The following AGPAT4 variants were observed in gnomAD, a reference collection of about 807,000 sequenced individuals.
AGPAT4 encodes 1-acyl-sn-glycerol-3-phosphate acyltransferase delta.
A neutral mutation model predicts 48.0 loss-of-function variants in AGPAT4; 15 were observed. The ratio of observed to expected loss-of-function variants is 0.31; its 90% confidence interval spans 0.21 to 0.48. The LOEUF (loss-of-function observed/expected upper bound fraction) is 0.48, where lower values mean the gene tolerates loss of function less well. Among genes scored for constraint, AGPAT4 ranks in the 20% least tolerant of loss-of-function variants. AGPAT4 has a pLI of 0.99. For missense variants in AGPAT4, 314 were observed against 482.5 expected (o/e 0.65, Z 3.27); for synonymous variants, 178 against 198.7 (o/e 0.90, Z 0.88).
Position 161,208,655 on chromosome 6 carries a change from G to A in AGPAT4, c.178+23381C>T, listed in dbSNP as rs1781444396. The stretch of plus-strand genomic sequence containing the variant: ...TATCATTCATCACTTAGATCTTCAA[G>A]ATTCACAGCAACAGAAAAACAATTC... On this transcript the variant is annotated intron_variant, in intron 2 of 8. Coordinates refer to ENST00000320285, the MANE Select transcript of AGPAT4 (RefSeq NM_020133.3). The surrounding 1 kb of genome is among the most constrained non-coding windows in gnomAD (Gnocchi z 4.6). 6.6e-6 allele frequency among the ~76,000 whole-genome samples: 1 copy of A among 152,162 alleles called. No homozygotes were observed. Among genetic ancestry groups the A allele is most frequent in the South Asian group, 2.1e-4 (1 of 4,828 alleles).
Position 161,138,847 on chromosome 6 carries a change from C to A in AGPAT4, c.1042+575G>T, listed in dbSNP as rs765478502. Among the ~76,000 whole-genome samples the A allele has an allele frequency of 6.6e-6, 1 of 152,124 alleles. No homozygotes were observed. The highest frequency in any genetic ancestry group is 2.4e-5 in the African/African-American group (1 of 41,428). ...AGGAAGCAGGCACGACAGGCTGCCC[C>A]GCCAGAGGCAAGGAGCAGGGTGCAC... On this transcript the variant is annotated intron_variant, in intron 8 of 8. Coordinates refer to ENST00000320285, the MANE Select transcript of AGPAT4 (RefSeq NM_020133.3). The surrounding 1 kb of genome is among the most constrained non-coding windows in gnomAD (Gnocchi z 4.8).
intron 2 of AGPAT4, among the ~76,000 whole-genome samples, chr6:161,194,429 AGTGTGTGTGTGTGTTT>A (rs1781004769): frequency 7.1e-6 from 1 of 140,620 alleles, no homozygotes; most frequent in Non-Finnish European, 1.5e-5. Flanking sequence ...TTTCCAGAGT[AGTGTGTGTGTGTGTTT>A]GTGTGTGTGT....
chr6:161,167,728 T>C (rs939637368), intron 2 of AGPAT4, among the ~76,000 whole-genome samples: 2 of 152,192 alleles, frequency 1.3e-5, no homozygotes. Flanking sequence ...ACCAGAGCCC[T>C]CTAGAAGGCA....
chr6:161,251,696 G>A lies in AGPAT4; in HGVS notation c.-89-19394C>T, dbSNP rs543909520. The stretch of plus-strand genomic sequence containing the variant: ...CCCAGGTGGGAATGAGGGGAGCCAG[G>A]TGGATGCCAAGCCCACTTCCCGGGC... On this transcript the variant is annotated intron_variant, in intron 1 of 8. Transcript: ENST00000320285. This position sits in a 1 kb window ranked among gnomAD's most constrained non-coding sequence, Gnocchi z 4.6. 2.0e-5 allele frequency among the ~76,000 whole-genome samples: 3 copies of A among 152,334 alleles called. No homozygotes were observed. The highest frequency in any genetic ancestry group is 7.2e-5 in the African/African-American group (3 of 41,582).
In AGPAT4 at chr6:161,272,258, G is replaced by A. The variant is rs533832975; in HGVS notation, c.-90+1680C>T. Among the ~76,000 whole-genome samples, 1 of 152,354 alleles carries A rather than the reference G, an allele frequency of 6.6e-6. No homozygotes were observed. The highest frequency in any genetic ancestry group is 1.9e-4 in the East Asian group (1 of 5,190). Reference sequence around the variant, plus strand: ...CCATTCTTCCTGCTTCCACATGGCAGGGTTGCTCAAGGTTTATAAGTAATG... The same window carrying A: ...CCATTCTTCCTGCTTCCACATGGCAAGGTTGCTCAAGGTTTATAAGTAATG... On this transcript the variant is annotated intron_variant, in intron 1 of 8. Coordinates refer to ENST00000320285, the MANE Select transcript of AGPAT4 (RefSeq NM_020133.3). The surrounding 1 kb of genome is among the most constrained non-coding windows in gnomAD (Gnocchi z 4.2).
chr6:161,166,433 A>G lies in AGPAT4; in HGVS notation c.179-16T>C, dbSNP rs751673266. The stretch of plus-strand genomic sequence containing the variant: ...ATCACCAGCTCTGGAACAAACCACA[A>G]CAGACAGATGTTTACTACATGCAGC... On this transcript the variant is annotated splice_polypyrimidine_tract_variant and intron_variant, in intron 2 of 8. Coordinates refer to ENST00000320285, the MANE Select transcript of AGPAT4 (RefSeq NM_020133.3). The surrounding 1 kb of genome is among the most constrained non-coding windows in gnomAD (Gnocchi z 6.7). 1 of 1,589,096 alleles carries G rather than the reference A, an allele frequency of 6.3e-7. No homozygotes were observed. Among genetic ancestry groups the G allele is most frequent in the South Asian group, 1.2e-5 (1 of 86,078 alleles).
intron 3 of AGPAT4, among the ~76,000 whole-genome samples, chr6:161,162,821 C>G (rs1024364618): frequency 6.6e-6 from 1 of 152,238 alleles, no homozygotes; most frequent in African/African-American, 2.4e-5. Flanking sequence ...CGATCATGCT[C>G]TTATGCAACC....
chr6:161,250,014 AT>A (rs1230608203), intron 1 of AGPAT4, among the ~76,000 whole-genome samples: 1 of 152,244 alleles, frequency 6.6e-6, no homozygotes, highest in Non-Finnish European at 1.5e-5. Context: ...TTATGCAACT[AT>A]AAAAAATGAG....
rs1360189411 is a variant in AGPAT4 at position 161,186,005 on chromosome 6, T to C, written c.179-19588A>G. On this transcript the variant is annotated intron_variant, in intron 2 of 8. Coordinates refer to ENST00000320285, the MANE Select transcript of AGPAT4 (RefSeq NM_020133.3). ...AAAGTAGTCCCTTTTCTGCCCCTCC[T>C]TTGCTTACTGCATGGAGTAGTGAGA... Among the ~76,000 whole-genome samples the C allele has an allele frequency of 2.0e-5, 3 of 152,018 alleles. No homozygotes were observed. The East Asian group carries it at 5.8e-4, about 29-fold the overall frequency.
In AGPAT4 at chr6:161,266,206, A is replaced by G. The variant is rs1409829433; in HGVS notation, c.-90+7732T>C. Among the ~76,000 whole-genome samples the G allele has an allele frequency of 6.6e-6, 1 of 152,108 alleles. No homozygotes were observed. The highest frequency in any genetic ancestry group is 1.5e-5 in the Non-Finnish European group (1 of 68,006). ...GCACAGGTTGGCCTCTTCCACAATAAAGGATTAATGGGCCCAAAATCTCAA... is the reference window on the plus strand; with the variant it reads ...GCACAGGTTGGCCTCTTCCACAATAGAGGATTAATGGGCCCAAAATCTCAA... On this transcript the variant is annotated intron_variant, in intron 1 of 8. Coordinates refer to ENST00000320285, the MANE Select transcript of AGPAT4 (RefSeq NM_020133.3). This position sits in a 1 kb window ranked among gnomAD's most constrained non-coding sequence, Gnocchi z 6.2.
In AGPAT4 at chr6:161,148,389, G is replaced by C. The variant is rs1385998689; in HGVS notation, c.767+798C>G. Among the ~76,000 whole-genome samples the C allele has an allele frequency of 1.3e-5, 2 of 152,210 alleles. No homozygotes were observed. The highest frequency in any genetic ancestry group is 2.9e-5 in the Non-Finnish European group (2 of 68,036). ...ACCAAAATATCTCCCAGGAAAGCCT[G>C]GACGTTTGGTGTGGCCTGGTGGGAA... On this transcript the variant is annotated intron_variant, in intron 6 of 8. Coordinates refer to ENST00000320285, the MANE Select transcript of AGPAT4 (RefSeq NM_020133.3). The surrounding 1 kb of genome is among the most constrained non-coding windows in gnomAD (Gnocchi z 5.5).
rs1780021915 is a variant in AGPAT4, at chr6:161,164,097, G to A, written c.348+2151C>T. 1.3e-5 allele frequency among the ~76,000 whole-genome samples: 2 copies of A among 152,198 alleles called. No homozygotes were observed. Among genetic ancestry groups the A allele is most frequent in the South Asian group, 2.1e-4 (1 of 4,834 alleles). ...GTTGACTTGCTTTCCCGCCATCAGC[G>A]CTCCCGCCCTTATGCTCAGAGTTGT... On this transcript the variant is annotated intron_variant, in intron 3 of 8. Coordinates refer to ENST00000320285, the MANE Select transcript of AGPAT4 (RefSeq NM_020133.3). The surrounding 1 kb of genome is among the most constrained non-coding windows in gnomAD (Gnocchi z 7.4).
chr6:161,154,091 C>T lies in AGPAT4; in HGVS notation c.510+58G>A. On this transcript the variant is annotated intron_variant, in intron 4 of 8. Coordinates refer to ENST00000320285, the MANE Select transcript of AGPAT4 (RefSeq NM_020133.3). This position sits in a 1 kb window ranked among gnomAD's most constrained non-coding sequence, Gnocchi z 7.8. ...TGTCCTGTGGAAGTCACATGGGGGT[C>T]CCACGGTCACAGTCCTGCAGGAGCC... is the stretch of plus-strand genomic sequence containing the variant. 1 of 1,610,586 alleles carries T rather than the reference C, an allele frequency of 6.2e-7. No individual in the cohort carries two copies. The highest frequency in any genetic ancestry group is 8.5e-7 in the Non-Finnish European group (1 of 1,178,464).
At position 161,246,067 on chromosome 6, in the gene AGPAT4, C is replaced by T. The variant is rs1782638248; in HGVS notation, c.-89-13765G>A. On this transcript the variant is annotated intron_variant, in intron 1 of 8. Coordinates refer to ENST00000320285, the MANE Select transcript of AGPAT4 (RefSeq NM_020133.3). This position sits in a 1 kb window ranked among gnomAD's most constrained non-coding sequence, Gnocchi z 5.5. ...TGAAGTACTTGGATATGAAGGATGC[C>T]TTTGAGGGCATTACAGACTGGCTAT... 6.6e-6 allele frequency among the ~76,000 whole-genome samples: 1 copy of T among 152,150 alleles called. No individual in the cohort carries two copies. Among genetic ancestry groups the T allele is most frequent in the Non-Finnish European group, 1.5e-5 (1 of 68,042 alleles).
chr6:161,247,975 C>T (rs1221874051), intron 1 of AGPAT4, among the ~76,000 whole-genome samples: 1 of 100,044 alleles, frequency 1.0e-5, no homozygotes, highest in African/African-American at 4.3e-5. Context: ...GAGTAAGACT[C>T]TGTCTCAAAA....
chr6:161,245,878 A>G lies in AGPAT4; in HGVS notation c.-89-13576T>C, dbSNP rs1196916484. 6.6e-6 allele frequency among the ~76,000 whole-genome samples: 1 copy of G among 152,238 alleles called. No individual in the cohort carries two copies. The highest frequency in any genetic ancestry group is 2.4e-5 in the African/African-American group (1 of 41,458). ...GCAACTTCCCCAGTTTGATTCATGC[A>G]TAATGGACCTGAAGAGAGACTTATT... On this transcript the variant is annotated intron_variant, in intron 1 of 8. Coordinates refer to ENST00000320285, the MANE Select transcript of AGPAT4 (RefSeq NM_020133.3). The surrounding 1 kb of genome is among the most constrained non-coding windows in gnomAD (Gnocchi z 5.2).
At chr6:161,163,397 T>G (rs1447655610) in intron 3 of AGPAT4, among the ~76,000 whole-genome samples, 2 of 151,984 alleles carry the variant, frequency 1.3e-5, no homozygotes, top group Non-Finnish European at 2.9e-5. Context: ...TGAATGAGGT[T>G]GTTTTTTTTT....
rs1396092942 is a variant in AGPAT4, at chr6:161,232,024, TA to T, written c.178+11del. The T allele has an allele frequency of 6.2e-7, 1 of 1,612,876 alleles. No homozygotes were observed. Among genetic ancestry groups the T allele is most frequent in the African/African-American group, 1.3e-5 (1 of 74,894 alleles). ...CAATGGAGACGAAAATATAGAATCT[TA>T]AGTATCTTACGGCTTGAGATGCAAT... On this transcript the variant is annotated intron_variant, in intron 2 of 8. Transcript: ENST00000320285. This position sits in a 1 kb window ranked among gnomAD's most constrained non-coding sequence, Gnocchi z 6.8.
intron 1 of AGPAT4, among the ~76,000 whole-genome samples, chr6:161,263,200 C>T (rs1005224918): frequency 6.2e-5 from 3 of 48,176 alleles, no homozygotes; most frequent in East Asian, 5.8e-4. Context: ...GCATTTCCCC[C>T]GGTGAGGAAA....
Sources: gnomAD v4.1 joint callset for allele counts (sites outside exome capture counted in the v4.1 genomes callset) on GRCh38, gnomAD v4.1.1 for gene constraint, Gnocchi (gnomAD v3.1) non-coding constraint, MANE v1.5 for transcripts, NCBI Gene and HGNC (gene_info 2026-07-23, HGNC 2026-07-21) for gene names.